Variants in ADAMTS12 observed in about 807,000 individuals in gnomAD.
ADAMTS12 encodes ADAM metallopeptidase with thrombospondin type 1 motif 12.
In ADAMTS12, 118 loss-of-function variants were observed where a neutral mutation model predicts 167.8. The observed-to-expected ratio is 0.70, with a 90% CI of 0.61 to 0.82. The LOEUF (loss-of-function observed/expected upper bound fraction) is 0.82, where lower values mean the gene tolerates loss of function less well. Ranked by LOEUF, ADAMTS12 falls within the 40% of genes least tolerant of loss-of-function variation. The pLI is 0.00. For missense variants in ADAMTS12, 1,916 were observed against 1,998.8 expected, an observed-to-expected ratio of 0.96 and a Z score of 0.79; for synonymous variants, 704 against 716.9, an observed-to-expected ratio of 0.98 and a Z score of 0.29.
rs779157871 is a variant in ADAMTS12, at chr5:33,614,291, A to G, written c.2474T>C (p.Met825Thr). The change falls in exon 16 of 24, where the codon ATG (methionine) becomes ACG (threonine). Residue 825 changes from methionine (M) to threonine (T), a missense_variant. Met to Thr is a moderately conservative substitution (Grantham distance 81). Coordinates refer to ENST00000504830, the MANE Select transcript of ADAMTS12 (RefSeq NM_030955.4). ...CCAGTGGCCGTACTGCCAGAAGTAC[A>G]TCTGCTGCTCAACATCATTGTCAAG... is the stretch of plus-strand genomic sequence containing the variant. ...DGLDNDVEQQ[M>T]YFWQYGHWTE... The G allele has an allele frequency of 1.2e-6, 2 of 1,614,160 alleles. No individual in the cohort carries two copies. Among genetic ancestry groups the G allele is most frequent in the Admixed American group, 1.7e-5 (1 of 60,018 alleles).
intron 19 of ADAMTS12, among the ~76,000 whole-genome samples, chr5:33,572,010 A>C (rs964839804): frequency 1.8e-4 from 27 of 152,346 alleles, no homozygotes; most frequent in Admixed American, 4.6e-4. Context: ...GAAATGGATA[A>C]ATTCCTCGAC....
chr5:33,654,948 G>A (rs936783419), intron 7 of ADAMTS12, among the ~76,000 whole-genome samples: 1 of 148,364 alleles, frequency 6.7e-6, no homozygotes, highest in African/African-American at 2.5e-5. Flanking sequence ...TCCAAGTCTG[G>A]CATATATGAG....
intron 16 of ADAMTS12, among the ~76,000 whole-genome samples, chr5:33,605,978 C>T (rs896403315): frequency 2.0e-5 from 3 of 151,848 alleles, no homozygotes; most frequent in Admixed American, 6.6e-5. Context: ...GATGGAGTCT[C>T]ACTCTGTTGC....
At chr5:33,619,305 T>A (rs887530908) in intron 14 of ADAMTS12, among the ~76,000 whole-genome samples, 5 of 152,216 alleles carry the variant, frequency 3.3e-5, no homozygotes, top group Non-Finnish European at 5.9e-5. Context: ...TAAACCAGAC[T>A]GTATTTGCAT....
At position 33,615,837 on chromosome 5, in the gene ADAMTS12, C is replaced by T; in HGVS notation, c.2379G>A (p.Val793=). The T allele has an allele frequency of 6.2e-7, 1 of 1,614,150 alleles. No homozygotes were observed. The highest frequency in any genetic ancestry group is 8.5e-7 in the Non-Finnish European group (1 of 1,180,008). Residue 793 remains valine (V), a synonymous_variant, in exon 15 of 24, where the codon GTG becomes GTA. Coordinates refer to ENST00000504830, the MANE Select transcript of ADAMTS12 (RefSeq NM_030955.4). ...LMATGPTNES[V]WIQLLFQVTN... ...CTCCTTTCTGCATTACCTGGATCCA[C>T]ACAGACTCATTGGTGGGACCTGTGG... is the stretch of plus-strand genomic sequence containing the variant.
intron 2 of ADAMTS12, among the ~76,000 whole-genome samples, chr5:33,855,223 G>A (rs1197792477): frequency 1.3e-5 from 2 of 152,198 alleles, no homozygotes; most frequent in Non-Finnish European, 2.9e-5. Flanking sequence ...AGAGTAACGT[G>A]GTATGAGGCA....
In ADAMTS12 at chr5:33,858,822, T is replaced by C. The variant is rs140964254; in HGVS notation, c.489+22297A>G. Among the ~76,000 whole-genome samples, 436 of 152,068 alleles carry C rather than the reference T, an allele frequency of 2.9e-3. 2 individuals carry two copies. Among genetic ancestry groups the C allele is most frequent in the African/African-American group, 1.0e-2 (413 of 41,462 alleles). ...CAACTGAGGCACCCAGCTCATCTCA[T>C]TGGGACTGGTTAAACAGTGAGTGCA... On this transcript the variant is annotated intron_variant, in intron 2 of 23. Coordinates refer to ENST00000504830, the MANE Select transcript of ADAMTS12 (RefSeq NM_030955.4).
At chr5:33,867,872 C>T (rs1330587377) in intron 2 of ADAMTS12, among the ~76,000 whole-genome samples, 1 of 152,112 alleles carries the variant, frequency 6.6e-6, no homozygotes, top group African/African-American at 2.4e-5. Context: ...GAACTGTAAT[C>T]CCCAGTGTTG....
intron 7 of ADAMTS12, 24 bp from the exon 8 acceptor site, chr5:33,649,721 A>G (rs757380519): frequency 2.5e-5 from 41 of 1,611,624 alleles, no homozygotes; most frequent in Non-Finnish European, 3.4e-5. Context: ...ACCAAGCACA[A>G]GAAGAGCCAG....
intron 14 of ADAMTS12, among the ~76,000 whole-genome samples, chr5:33,621,195 T>A (rs1739308399): frequency 6.6e-6 from 1 of 151,956 alleles, no homozygotes; most frequent in Admixed American, 6.6e-5. Flanking sequence ...GTCAGGAGTT[T>A]GAGACCAGCC....
intron 2 of ADAMTS12, among the ~76,000 whole-genome samples, chr5:33,847,924 T>C (rs1749009208): frequency 6.6e-6 from 1 of 150,930 alleles, no homozygotes; most frequent in Admixed American, 6.6e-5. Flanking sequence ...CCATAAAGAG[T>C]GAAACAATGG....
At chr5:33,699,664 T>C (rs1294947717) in intron 3 of ADAMTS12, among the ~76,000 whole-genome samples, 1 of 152,192 alleles carries the variant, frequency 6.6e-6, no homozygotes, top group Non-Finnish European at 1.5e-5. Flanking sequence ...TCTGCACATA[T>C]GCTAAAAGCC....
chr5:33,661,293 CA>C (rs1741250916), intron 6 of ADAMTS12, among the ~76,000 whole-genome samples: 1 of 152,122 alleles, frequency 6.6e-6, no homozygotes, highest in Non-Finnish European at 1.5e-5. Flanking sequence ...AAGAGTTGAT[CA>C]AGAAAGTTCA....
chr5:33,774,089 C>A (rs546039118), intron 2 of ADAMTS12, among the ~76,000 whole-genome samples: 1 of 152,282 alleles, frequency 6.6e-6, no homozygotes, highest in East Asian at 1.9e-4. Flanking sequence ...ATTACTTTTG[C>A]ACCAACCAGT....
At chr5:33,887,749 AGTT>A (rs2111803005) in intron 1 of ADAMTS12, among the ~76,000 whole-genome samples, 1 of 151,630 alleles carries the variant, frequency 6.6e-6, no homozygotes, top group South Asian at 2.1e-4. Flanking sequence ...AGTCTATAGT[AGTT>A]ATTCTTTTTT....
At position 33,706,848 on chromosome 5, in the gene ADAMTS12, T is replaced by C. The variant is rs1743219654; in HGVS notation, c.635-22793A>G. ...TATGACAAACCCACAGCCAATATCA[T>C]ACTGAATGGGCAAAAGCTGCAAGCA... On this transcript the variant is annotated intron_variant, in intron 3 of 23. Transcript: ENST00000504830. 3.3e-5 allele frequency among the ~76,000 whole-genome samples: 5 copies of C among 152,294 alleles called. No homozygotes were observed. The South Asian group carries it at 1.0e-3, about 32-fold the overall frequency.
intron 19 of ADAMTS12, among the ~76,000 whole-genome samples, chr5:33,566,541 A>G (rs1579675258): frequency 6.6e-6 from 1 of 152,218 alleles, no homozygotes; most frequent in Non-Finnish European, 1.5e-5. Context: ...AATTATTTAC[A>G]AACCCTGATT....
intron 2 of ADAMTS12, among the ~76,000 whole-genome samples, chr5:33,775,831 T>C (rs1745894378): frequency 6.6e-6 from 1 of 152,134 alleles, no homozygotes; most frequent in Admixed American, 6.5e-5. Context: ...ACCAATTTGC[T>C]GGAATAAGAA....
chr5:33,839,559 G>C (rs1022353632), intron 2 of ADAMTS12, among the ~76,000 whole-genome samples: 1 of 152,156 alleles, frequency 6.6e-6, no homozygotes, highest in African/African-American at 2.4e-5. Context: ...AACTCTGGAA[G>C]GGAACCAGAG....
Sources: allele counts gnomAD v4.1 joint callset (sites outside exome capture counted in the v4.1 genomes callset), GRCh38; gene constraint gnomAD v4.1.1; transcripts MANE v1.5; gene names NCBI Gene and HGNC (gene_info 2026-07-23, HGNC 2026-07-21).